Variants in ARPP21 observed in about 807,000 individuals in gnomAD.
ARPP21 encodes the protein cAMP regulated phosphoprotein 21, also known as cAMP-regulated phosphoprotein 21.
ARPP21 carries 69 observed loss-of-function variants against 113.2 expected under a neutral mutation model. The ratio of observed to expected loss-of-function variants is 0.61; its 90% CI spans 0.50 to 0.74. ARPP21 has a LOEUF of 0.74. Among genes scored for constraint, ARPP21 ranks in the 30% least tolerant of loss-of-function variants. ARPP21 has a pLI of 0.00. For synonymous variants in ARPP21, 368 were observed against 375.5 expected, an observed-to-expected ratio of 0.98 and a Z score of 0.23; for missense variants, 1,070 against 1,037.4, an observed-to-expected ratio of 1.03 and a Z score of -0.43.
At chr3:35,705,893 T>C (rs2088792892) in intron 9 of ARPP21, among the ~76,000 whole-genome samples, 1 of 152,206 alleles carries the variant, frequency 6.6e-6, no homozygotes, top group Non-Finnish European at 1.5e-5. Context: ...ATGCTTCTCA[T>C]CAAGATTTGA....
At chr3:35,737,450 C>A in intron 16 of ARPP21, 88 bp downstream of exon 16, 3 of 872,350 alleles carry the variant, frequency 3.4e-6, no homozygotes, top group Non-Finnish European at 5.1e-6. Flanking sequence ...CAGGGAGAAG[C>A]GTATATTTTA....
rs996400585 is a variant in ARPP21, at chr3:35,758,583, G to GA, written c.2137+14629dup. Among the ~76,000 whole-genome samples the GA allele has an allele frequency of 2.8e-3, 399 of 144,854 alleles. 1 individual carries two copies. Among genetic ancestry groups the GA allele is most frequent in the African/African-American group, 4.9e-3 (195 of 39,754 alleles). ...TTCCTTAGCAACAGGAATGTGATGA[G>GA]AAAAAAAAAAACATGGAAATATTTG... On this transcript the variant is annotated intron_variant, in intron 19 of 20. Transcript: ENST00000684406.
At chr3:35,701,453 T>C (rs990643569) in intron 9 of ARPP21, among the ~76,000 whole-genome samples, 1 of 151,748 alleles carries the variant, frequency 6.6e-6, no homozygotes, top group Non-Finnish European at 1.5e-5. Context: ...CCTGTGTGAC[T>C]GTTAGGTGCT....
chr3:35,743,971 T>C lies in ARPP21; in HGVS notation c.2137+6T>C, dbSNP rs765697471. ...ACAGGCAGCACAGCAAGCAGGTACTTGGAATCTGTTTCCCATTTGCTTCTC... is the reference window on the plus strand; with the variant it reads ...ACAGGCAGCACAGCAAGCAGGTACTCGGAATCTGTTTCCCATTTGCTTCTC... On this transcript the variant is annotated splice_donor_region_variant and intron_variant, in intron 19 of 20. Transcript: ENST00000684406. 2.5e-6 allele frequency: 4 copies of C among 1,613,934 alleles called. No homozygotes were observed. Among genetic ancestry groups the C allele is most frequent in the Non-Finnish European group, 3.4e-6 (4 of 1,179,978 alleles).
chr3:35,766,609 G>A (rs569393845), intron 19 of ARPP21, among the ~76,000 whole-genome samples: 1 of 152,098 alleles, frequency 6.6e-6, no homozygotes, highest in East Asian at 1.9e-4. Flanking sequence ...CTGCTCAAAC[G>A]CACCCTTTGT....
chr3:35,685,660 C>T (rs893299855), intron 5 of ARPP21: 3 of 984,722 alleles, frequency 3.0e-6, no homozygotes, highest in African/African-American at 1.7e-5. Flanking sequence ...ACCTGTATTA[C>T]TTGATCTCAG....
At chr3:35,653,575 G>A (rs572113208) in intron 1 of ARPP21, among the ~76,000 whole-genome samples, 1 of 152,046 alleles carries the variant, frequency 6.6e-6, no homozygotes, top group South Asian at 2.1e-4. Flanking sequence ...ATATCTTTGG[G>A]ACACACTCTC....
At chr3:35,728,733 C>T (rs1432342503) in intron 14 of ARPP21, among the ~76,000 whole-genome samples, 1 of 152,070 alleles carries the variant, frequency 6.6e-6, no homozygotes. Context: ...TGTGTTTGCT[C>T]ATATACACTA....
intron 9 of ARPP21, among the ~76,000 whole-genome samples, chr3:35,706,317 T>C (rs1272060062): frequency 6.6e-6 from 1 of 152,174 alleles, no homozygotes; most frequent in Non-Finnish European, 1.5e-5. Flanking sequence ...AATTGACTAA[T>C]CAATAGTGTG....
At chr3:35,786,283 G>A (rs2096630687) in intron 19 of ARPP21, among the ~76,000 whole-genome samples, 1 of 152,108 alleles carries the variant, frequency 6.6e-6, no homozygotes, top group South Asian at 2.1e-4. Flanking sequence ...CGGCACTTTG[G>A]GAGGCCAAGA....
At chr3:35,731,928 G>T (rs1423069669) in intron 15 of ARPP21, among the ~76,000 whole-genome samples, 1 of 152,170 alleles carries the variant, frequency 6.6e-6, no homozygotes, top group Non-Finnish European at 1.5e-5. Context: ...CTTAGAAGCT[G>T]TTGTGCAGAG....
chr3:35,716,081 A>G (rs2092350801), intron 12 of ARPP21, among the ~76,000 whole-genome samples: 1 of 152,080 alleles, frequency 6.6e-6, no homozygotes, highest in African/African-American at 2.4e-5. Context: ...TTTAAAGAAA[A>G]TCTTGGTGAT....
At chr3:35,705,473 G>A (rs1479200240) in intron 9 of ARPP21, among the ~76,000 whole-genome samples, 1 of 152,080 alleles carries the variant, frequency 6.6e-6, no homozygotes, top group Non-Finnish European at 1.5e-5. Context: ...TACATTTTAA[G>A]TTTGGTGGAA....
intron 19 of ARPP21, among the ~76,000 whole-genome samples, chr3:35,770,003 A>G (rs1034840895): frequency 2.6e-5 from 4 of 152,208 alleles, no homozygotes; most frequent in African/African-American, 7.2e-5. Context: ...GTGACTCCCT[A>G]CTTAAAGTTG....
intron 1 of ARPP21, among the ~76,000 whole-genome samples, chr3:35,662,414 G>A (rs1708251335): frequency 6.6e-6 from 1 of 152,152 alleles, no homozygotes; most frequent in Non-Finnish European, 1.5e-5. Flanking sequence ...GATGTTGCAG[G>A]TAGGTTTCTG....
At chr3:35,793,460 C>G (rs1376865826) in intron 20 of ARPP21, among the ~76,000 whole-genome samples, 4 of 152,190 alleles carry the variant, frequency 2.6e-5, no homozygotes, top group African/African-American at 4.8e-5. Context: ...GCACTGTACA[C>G]CATCCCTTCA....
chr3:35,715,459 C>T lies in ARPP21; in HGVS notation c.918C>T (p.Ser306=), dbSNP rs763439655. ...TTCAGTCAGTTTGCTCCCAGGAAAGCCTTTTTGTGGAAAACAGGTAAAATA... is the reference window on the plus strand; with the variant it reads ...TTCAGTCAGTTTGCTCCCAGGAAAGTCTTTTTGTGGAAAACAGGTAAAATA... The part of the protein sequence containing the change: ...FAHDSVCSQE[S]LFVENSRLLE... The change falls in exon 12 of 21, where the codon AGC becomes AGT. Residue 306 remains serine (S), a synonymous_variant. Transcript: ENST00000684406. 3.1e-6 allele frequency: 5 copies of T among 1,612,798 alleles called. No homozygotes were observed. In the Admixed American group the frequency reaches 5.0e-5, roughly 16 times the overall value.
At chr3:35,748,130 G>GAAAGAAAGA (rs1559838386) in intron 19 of ARPP21, among the ~76,000 whole-genome samples, 17 of 114,792 alleles carry the variant, frequency 1.5e-4, no homozygotes, top group Middle Eastern at 5.5e-3. Context: ...AGAAAGAAAA[G>GAAAGAAAGA]AAAGAAAGGG....
At chr3:35,713,076 A>C (rs1305071833) in intron 11 of ARPP21, among the ~76,000 whole-genome samples, 1 of 152,122 alleles carries the variant, frequency 6.6e-6, no homozygotes, top group Non-Finnish European at 1.5e-5. Context: ...TGAGGGTGGG[A>C]TGTGGGAGAG....
Sources: gnomAD v4.1 joint callset for allele counts (sites outside exome capture counted in the v4.1 genomes callset) on GRCh38, gnomAD v4.1.1 for gene constraint, MANE v1.5 for transcripts, NCBI Gene and HGNC (gene_info 2026-07-23, HGNC 2026-07-21) for gene names.